The following CRPPA variants were observed in gnomAD, a reference collection of about 807,000 sequenced individuals.
CRPPA encodes D-ribitol-5-phosphate cytidylyltransferase.
A neutral mutation model predicts 52.0 loss-of-function variants in CRPPA; 43 were observed. That is an observed-to-expected ratio of 0.83 (90% confidence interval 0.65 to 1.07). The LOEUF (loss-of-function observed/expected upper bound fraction) is 1.07. Among genes scored for constraint, CRPPA ranks in the 50% least tolerant of loss-of-function variants. The pLI is 0.00. For missense variants in CRPPA, 629 were observed against 551.7 expected (o/e 1.14, Z -1.40); for synonymous variants, 250 against 203.5 (o/e 1.23, Z -1.94).
intron 2 of CRPPA, among the ~76,000 whole-genome samples, chr7:16,405,346 A>G (rs1275032907): frequency 1.3e-5 from 2 of 152,132 alleles, no homozygotes; most frequent in African/African-American, 2.4e-5. Context: ...ATGGACTCAG[A>G]AAGTTAAAAA....
intron 2 of CRPPA, among the ~76,000 whole-genome samples, chr7:16,396,378 C>A (rs1020190833): frequency 8.5e-5 from 13 of 152,148 alleles, no homozygotes; most frequent in Non-Finnish European, 2.9e-5. Context: ...TAACACCTTA[C>A]TCCTGCAAGA....
At chr7:16,132,302 T>C (rs1013499735) in intron 9 of CRPPA, among the ~76,000 whole-genome samples, 1 of 125,158 alleles carries the variant, frequency 8.0e-6, no homozygotes, top group Non-Finnish European at 1.8e-5. Flanking sequence ...TGGAAACATA[T>C]AACATGTTTG....
At chr7:16,381,933 C>G (rs1048731170) in intron 2 of CRPPA, among the ~76,000 whole-genome samples, 4 of 152,072 alleles carry the variant, frequency 2.6e-5, no homozygotes, top group East Asian at 1.9e-4. Context: ...GATGGGTCTT[C>G]ACTCTTTATC....
chr7:16,302,834 A>AT (rs34918202), intron 4 of CRPPA, among the ~76,000 whole-genome samples: 2 of 151,972 alleles, frequency 1.3e-5, no homozygotes, highest in Non-Finnish European at 2.9e-5. Context: ...TACAGGACTG[A>AT]TTTTTTTAAG....
At chr7:16,145,205 G>A (rs1305174429) in intron 9 of CRPPA, among the ~76,000 whole-genome samples, 4 of 152,318 alleles carry the variant, frequency 2.6e-5, no homozygotes, top group African/African-American at 9.6e-5. Flanking sequence ...GCAGAAGCAT[G>A]CTCACAAACC....
chr7:16,277,616 T>C lies in CRPPA; in HGVS notation c.933+513A>G, dbSNP rs79651095. ...GTGGTAAAATTATAAAGAGTTCCTATAGACACCCTCACACTTATTGCATCT... is the reference window on the plus strand; with the variant it reads ...GTGGTAAAATTATAAAGAGTTCCTACAGACACCCTCACACTTATTGCATCT... On this transcript the variant is annotated intron_variant, in intron 6 of 9. Transcript: ENST00000407010. Among the ~76,000 whole-genome samples, 527 of 152,296 alleles carry C rather than the reference T, an allele frequency of 3.5e-3. 4 individuals are homozygous for C. The highest frequency in any genetic ancestry group is 0.012 in the African/African-American group (513 of 41,558).
intron 1 of CRPPA, among the ~76,000 whole-genome samples, chr7:16,416,494 C>A (rs912930241): frequency 6.6e-6 from 1 of 152,072 alleles, no homozygotes. Context: ...AAAAGCAATT[C>A]CAACAAAAAC....
Position 16,406,249 on chromosome 7 carries a change from G to A in CRPPA, c.346C>T (p.Arg116Cys), listed in dbSNP as rs61744487. The stretch of plus-strand genomic sequence containing the variant: ...ACTCCAGCTTCGACCAGTGAGATGC[G>A]TTTATGCTGATACTTCTGAATAATA... Reference protein sequence around the residue: ...KSIIQKYQHKRISLVEAGVTR... With the variant: ...KSIIQKYQHKCISLVEAGVTR... The change falls in exon 2 of 10, where the codon CGC (arginine) becomes TGC (cysteine). Residue 116 changes from arginine to cysteine, a missense_variant. Physicochemically the swap from Arg to Cys is radical, Grantham distance 180 (BLOSUM62 -3). Coordinates refer to ENST00000407010, the MANE Select transcript of CRPPA (RefSeq NM_001101426.4). 1,597 of 1,613,878 alleles carry A rather than the reference G, an allele frequency of 9.9e-4. 16 individuals carry two copies. The African/African-American group carries it at 0.018, about 18-fold the overall frequency.
rs77652916 is a variant in CRPPA, at chr7:16,223,702, A to T, written c.1120-7505T>A. Among the ~76,000 whole-genome samples the T allele has an allele frequency of 7.7e-3, 1,178 of 152,290 alleles. 17 individuals carry two copies. The highest frequency in any genetic ancestry group is 0.027 in the African/African-American group (1,108 of 41,564). On this transcript the variant is annotated intron_variant, in intron 8 of 9. Coordinates refer to ENST00000407010, the MANE Select transcript of CRPPA (RefSeq NM_001101426.4). ...TCACAATTTTAATTTAAAAAAACAGAGCTGTTTTATATAACCACAGCAGAG... is the reference window on the plus strand; with the variant it reads ...TCACAATTTTAATTTAAAAAAACAGTGCTGTTTTATATAACCACAGCAGAG...
At chr7:16,145,314 AC>A (rs1426319863) in intron 9 of CRPPA, among the ~76,000 whole-genome samples, 2 of 152,196 alleles carry the variant, frequency 1.3e-5, no homozygotes, top group African/African-American at 4.8e-5. Flanking sequence ...ACTCCATCTC[AC>A]CCAAGTACAA....
At chr7:16,344,550 A>G (rs1583535549) in intron 3 of CRPPA, among the ~76,000 whole-genome samples, 1 of 151,808 alleles carries the variant, frequency 6.6e-6, no homozygotes, top group South Asian at 2.1e-4. Flanking sequence ...TTGTCTATCA[A>G]AAAAAAAGAA....
intron 9 of CRPPA, among the ~76,000 whole-genome samples, chr7:16,213,723 T>C (rs1782218904): frequency 6.7e-6 from 1 of 149,232 alleles, no homozygotes; most frequent in African/African-American, 2.5e-5. Flanking sequence ...CGCTCCAGCC[T>C]GGGCAACAAG....
At chr7:16,279,090 A>G (rs779394352) in intron 5 of CRPPA, among the ~76,000 whole-genome samples, 11 of 152,184 alleles carry the variant, frequency 7.2e-5, no homozygotes, top group Non-Finnish European at 1.2e-4. Context: ...GAGCCATTAC[A>G]TAGCATTATA....
chr7:16,131,743 GCTAATT>G, intron 9 of CRPPA, among the ~76,000 whole-genome samples: 1 of 152,134 alleles, frequency 6.6e-6, no homozygotes, highest in Non-Finnish European at 1.5e-5. Flanking sequence ...ACCATGCCCA[GCTAATT>G]TTTGTAGTTT....
chr7:16,181,546 C>G (rs1440011645), intron 9 of CRPPA, among the ~76,000 whole-genome samples: 8 of 151,346 alleles, frequency 5.3e-5, no homozygotes, highest in Non-Finnish European at 1.2e-4. Flanking sequence ...TCGAGTATAC[C>G]AAAACAAACA....
intron 3 of CRPPA, among the ~76,000 whole-genome samples, chr7:16,320,121 T>C (rs949895474): frequency 6.6e-6 from 1 of 152,198 alleles, no homozygotes; most frequent in African/African-American, 2.4e-5. Flanking sequence ...TGAGGATTTG[T>C]CATTTTTAAT....
intron 3 of CRPPA, among the ~76,000 whole-genome samples, chr7:16,320,646 T>G (rs1323711031): frequency 1.3e-5 from 2 of 152,284 alleles, no homozygotes; most frequent in African/African-American, 4.8e-5. Flanking sequence ...GGTTTCTCAC[T>G]CTGCAGTTAT....
chr7:16,173,216 G>C (rs892949764), intron 9 of CRPPA, among the ~76,000 whole-genome samples: 1 of 152,184 alleles, frequency 6.6e-6, no homozygotes, highest in Non-Finnish European at 1.5e-5. Flanking sequence ...GGTGGTTCTA[G>C]TGCAGGCTAG....
chr7:16,170,924 C>T (rs989200809), intron 9 of CRPPA, among the ~76,000 whole-genome samples: 1 of 152,224 alleles, frequency 6.6e-6, no homozygotes, highest in African/African-American at 2.4e-5. Context: ...GAGCGCCCCG[C>T]TTAGCCCCGG....
Sources: gnomAD v4.1 joint callset for allele counts (sites outside exome capture counted in the v4.1 genomes callset) on GRCh38, gnomAD v4.1.1 for gene constraint, MANE v1.5 for transcripts, NCBI Gene and HGNC (gene_info 2026-07-23, HGNC 2026-07-21) for gene names.